Variants in CENPW observed in about 807,000 individuals in gnomAD.
CENPW encodes the protein cancer-up-regulated gene 2 protein.
CENPW carries 3 observed loss-of-function variants against 11.1 expected under a neutral mutation model. The observed-to-expected ratio is 0.27, with a 90% CI of 0.12 to 0.70. The LOEUF (loss-of-function observed/expected upper bound fraction) is 0.70, where lower values mean the gene tolerates loss of function less well. CENPW is among the 30% of genes least tolerant of loss of function. The probability of loss-of-function intolerance (pLI) is 0.77; values close to 1 mark genes in which losing one functional copy is unlikely to be tolerated. For synonymous variants in CENPW, 38 were observed against 42.0 expected, an observed-to-expected ratio of 0.91 and a Z score of 0.37; for missense variants, 100 against 105.6, an observed-to-expected ratio of 0.95 and a Z score of 0.23.
At chr6:126,453,729 G>T in the CENPW span, among the ~76,000 whole-genome samples, 7 of 151,034 alleles carry the variant, frequency 4.6e-5, no homozygotes, top group Admixed American at 2.7e-4. Context: ...ATATAAATGG[G>T]CTAAATGGCT....
At chr6:126,439,567 A>T in the CENPW span, among the ~76,000 whole-genome samples, 1 of 151,498 alleles carries the variant, frequency 6.6e-6, no homozygotes, top group Non-Finnish European at 1.5e-5. Context: ...ATTATATTGA[A>T]AAGTTTCAGT....
the CENPW span, among the ~76,000 whole-genome samples, chr6:126,436,372 G>T: frequency 6.6e-6 from 1 of 151,686 alleles, no homozygotes; most frequent in Admixed American, 6.6e-5. Flanking sequence ...GATGATAAAA[G>T]AAAATGATCA....
At chr6:126,355,871 T>G in the CENPW span, among the ~76,000 whole-genome samples, 3 of 152,178 alleles carry the variant, frequency 2.0e-5, no homozygotes, top group Non-Finnish European at 4.4e-5. Context: ...TGCAGATGTG[T>G]TATTCACAAA....
the CENPW span, among the ~76,000 whole-genome samples, chr6:126,450,749 C>CA: frequency 6.6e-6 from 1 of 150,932 alleles, no homozygotes; most frequent in Non-Finnish European, 1.5e-5. Flanking sequence ...TATTAATTTA[C>CA]ATAATCCACT....
the CENPW span, among the ~76,000 whole-genome samples, chr6:126,413,032 A>G: frequency 6.6e-6 from 1 of 152,166 alleles, no homozygotes; most frequent in Non-Finnish European, 1.5e-5. Flanking sequence ...GAAGCTTTAA[A>G]TGATTATTTC....
At chr6:126,434,659 T>C in the CENPW span, among the ~76,000 whole-genome samples, 1 of 152,186 alleles carries the variant, frequency 6.6e-6, no homozygotes, top group East Asian at 1.9e-4. Context: ...GTGAATAGAC[T>C]GGCATTAAAC....
intron 1 of CENPW, among the ~76,000 whole-genome samples, chr6:126,345,548 C>T (rs1186052314): frequency 2.0e-5 from 3 of 151,916 alleles, no homozygotes; most frequent in African/African-American, 7.2e-5. Context: ...TCTTACATAA[C>T]TATATTTTTT....
the CENPW span, among the ~76,000 whole-genome samples, chr6:126,397,271 A>G: frequency 6.6e-6 from 1 of 152,074 alleles, no homozygotes; most frequent in African/African-American, 2.4e-5. Context: ...GCTAGTCTAA[A>G]TGTTCCCTCT....
At chr6:126,407,373 T>C in the CENPW span, among the ~76,000 whole-genome samples, 2 of 152,232 alleles carry the variant, frequency 1.3e-5, no homozygotes, top group South Asian at 4.1e-4. Flanking sequence ...TTTGCTATTA[T>C]GAATAGTGCT....
At chr6:126,438,213 C>T in the CENPW span, among the ~76,000 whole-genome samples, 2 of 151,558 alleles carry the variant, frequency 1.3e-5, no homozygotes, top group Non-Finnish European at 3.0e-5. Flanking sequence ...TTATAAATTG[C>T]AAATTAAATA....
the CENPW span, among the ~76,000 whole-genome samples, chr6:126,367,554 A>G: frequency 6.6e-6 from 1 of 152,178 alleles, no homozygotes; most frequent in African/African-American, 2.4e-5. Flanking sequence ...AAACCTTAAG[A>G]GTAACTCCAG....
In CENPW at chr6:126,346,318, G is replaced by A; in HGVS notation, c.240G>A (p.Lys80=). The change falls in exon 2 of 3, where the codon AAG becomes AAA. Residue 80 remains lysine, a splice_region_variant and synonymous_variant. Transcript: ENST00000368328. ...AGGAGCATGTACTGGCCGCAGCAAA[G>A]GTAAAATCCAAATTTCTTTTCTCGA... is the stretch of plus-strand genomic sequence containing the variant. ...INKEHVLAAA[K]VILKKSRG is the part of the protein sequence containing the mutation. 6.4e-7 allele frequency: 1 copy of A among 1,568,600 alleles called. No homozygotes were observed. Among genetic ancestry groups the A allele is most frequent in the Non-Finnish European group, 8.7e-7 (1 of 1,147,700 alleles).
the CENPW span, among the ~76,000 whole-genome samples, chr6:126,382,862 T>G: frequency 6.6e-6 from 1 of 152,142 alleles, no homozygotes; most frequent in Admixed American, 6.6e-5. Flanking sequence ...AAAATACATT[T>G]CAGGTTATCA....
the CENPW span, among the ~76,000 whole-genome samples, chr6:126,389,878 C>T: frequency 8.6e-5 from 13 of 151,722 alleles, no homozygotes; most frequent in Admixed American, 5.3e-4. Flanking sequence ...AAGTTTGACC[C>T]GAAATGCCCA....
the CENPW span, among the ~76,000 whole-genome samples, chr6:126,401,584 G>T: frequency 1.3e-5 from 2 of 151,346 alleles, no homozygotes; most frequent in Non-Finnish European, 2.9e-5. Flanking sequence ...TTTTTCACTT[G>T]CCTTGCTCTA....
chr6:126,383,674 A>G, the CENPW span, among the ~76,000 whole-genome samples: 2 of 152,170 alleles, frequency 1.3e-5, no homozygotes, highest in East Asian at 3.9e-4. Flanking sequence ...TTCAGAAAGG[A>G]CAAGGGCATT....
the CENPW span, among the ~76,000 whole-genome samples, chr6:126,471,631 C>G: frequency 6.6e-6 from 1 of 152,016 alleles, no homozygotes; most frequent in Non-Finnish European, 1.5e-5. Flanking sequence ...TCAAAATAAA[C>G]AGTCTAGAAC....
chr6:126,475,903 T>C, the CENPW span, among the ~76,000 whole-genome samples: 3 of 152,112 alleles, frequency 2.0e-5, no homozygotes, highest in South Asian at 4.1e-4. Flanking sequence ...TTAGAAATTA[T>C]CGAGTTGCCA....
chr6:126,352,497 T>A (rs1433869113), downstream of CENPW, among the ~76,000 whole-genome samples: 3 of 152,148 alleles, frequency 2.0e-5, no homozygotes, highest in East Asian at 5.8e-4. Context: ...CTATTTACAT[T>A]GTTTTCTTGA....
Sources: allele counts gnomAD v4.1 joint callset (sites outside exome capture counted in the v4.1 genomes callset), GRCh38; gene constraint gnomAD v4.1.1; transcripts MANE v1.5; gene names NCBI Gene and HGNC (gene_info 2026-07-23, HGNC 2026-07-21).